The following SLC12A2 variants were observed in gnomAD, a reference collection of about 807,000 sequenced individuals.
The protein encoded by SLC12A2 is solute carrier family 12 member 2.
Under a neutral mutation model 136.3 loss-of-function variants are expected in SLC12A2, and 67 were observed. The observed-to-expected ratio is 0.49, with a 90% CI of 0.40 to 0.60. The LOEUF (loss-of-function observed/expected upper bound fraction) is 0.60, where lower values mean the gene tolerates loss of function less well. SLC12A2 is among the 20% of genes least tolerant of loss of function. The pLI is 0.00. For missense variants in SLC12A2, 1,322 were observed against 1,534.7 expected (o/e 0.86, Z 2.32); for synonymous variants, 619 against 562.9 (o/e 1.10, Z -1.41).
chr5:128,175,712 G>A (rs986988134), intron 20 of SLC12A2, among the ~76,000 whole-genome samples: 8 of 151,820 alleles, frequency 5.3e-5, no homozygotes, highest in Non-Finnish European at 8.8e-5. Flanking sequence ...TATAGAACAG[G>A]AAACTGGGTC....
intron 10 of SLC12A2, among the ~76,000 whole-genome samples, chr5:128,142,503 G>A (rs766121365): frequency 6.6e-6 from 1 of 152,094 alleles, no homozygotes; most frequent in Non-Finnish European, 1.5e-5. Flanking sequence ...GAGCCCCTAG[G>A]AGGTAATGCT....
rs1238147587 is a variant in SLC12A2 at position 128,084,248 on chromosome 5, G to GGCGGCGGCGGCGGCA, written c.306_320dup (p.Ala103_Ala107dup). On this transcript the variant is annotated inframe_insertion, in exon 1 of 27. Coordinates refer to ENST00000262461, the MANE Select transcript of SLC12A2 (RefSeq NM_001046.3). The surrounding 1 kb of genome is among the most constrained non-coding windows in gnomAD (Gnocchi z 5.6). ...CCGGGCGGGCCGCTGCTGCGGCGGC[G>GGCGGCGGCGGCGGCA]GCGGCGGCGGCGGCAGCGGCGGCGG... 1.7e-5 allele frequency: 21 copies of GGCGGCGGCGGCGGCA among 1,233,236 alleles called. No homozygotes were observed. The African/African-American group carries it at 1.9e-4, about 11-fold the overall frequency. The allele number at this position is 1,233,236 out of a possible 1,614,324, so 76.4% of individuals were successfully genotyped here.
chr5:128,179,090 A>G (rs774717382), intron 22 of SLC12A2, among the ~76,000 whole-genome samples: 2 of 152,156 alleles, frequency 1.3e-5, no homozygotes, highest in African/African-American at 2.4e-5. Flanking sequence ...TTGTACCTTC[A>G]CTGGTGAAAT....
chr5:128,142,848 T>C (rs1030976014), intron 10 of SLC12A2, among the ~76,000 whole-genome samples: 4 of 152,190 alleles, frequency 2.6e-5, no homozygotes, highest in Admixed American at 6.6e-5. Context: ...GTGTGTGTGT[T>C]TTAATTAATT....
intron 18 of SLC12A2, chr5:128,168,391 T>G (rs2126742109): frequency 6.6e-6 from 1 of 152,362 alleles, no homozygotes; most frequent in Non-Finnish European, 1.5e-5. Context: ...TATGAAGAGT[T>G]AAGTTTGAGT....
intron 19 of SLC12A2, 89 bp downstream of exon 19, chr5:128,171,835 T>G: frequency 1.3e-6 from 1 of 758,310 alleles, no homozygotes; most frequent in Non-Finnish European, 2.2e-6. Flanking sequence ...GGCTCTTCGT[T>G]ACTTTTAATA....
intron 1 of SLC12A2, among the ~76,000 whole-genome samples, chr5:128,100,394 T>C (rs1320652499): frequency 2.6e-5 from 4 of 152,150 alleles, no homozygotes; most frequent in African/African-American, 9.7e-5. Context: ...CTAAAACTTT[T>C]TGAGTGCTGA....
rs147336608 is a variant in SLC12A2, at chr5:128,153,487, G to A, written c.2363+682G>A. 4.9e-3 allele frequency among the ~76,000 whole-genome samples: 751 copies of A among 152,160 alleles called. 18 individuals are homozygous for A. Among genetic ancestry groups the A allele is most frequent in the Non-Finnish European group, 2.0e-3 (137 of 67,986 alleles). On this transcript the variant is annotated intron_variant, in intron 15 of 26. Coordinates refer to ENST00000262461, the MANE Select transcript of SLC12A2 (RefSeq NM_001046.3). ...GGAGAATGGCTCGAACCCAGGAGGCGGAGGTTGCAGTGAGCCAAGATCATG... is the reference window on the plus strand; with the variant it reads ...GGAGAATGGCTCGAACCCAGGAGGCAGAGGTTGCAGTGAGCCAAGATCATG...
At chr5:128,143,595 C>A (rs1242554740) in intron 10 of SLC12A2, among the ~76,000 whole-genome samples, 4 of 151,964 alleles carry the variant, frequency 2.6e-5, no homozygotes. Context: ...AAATAAATTA[C>A]TAAAATTAAT....
intron 13 of SLC12A2, 29 bp downstream of exon 13, chr5:128,150,127 A>C (rs752348998): frequency 7.8e-5 from 106 of 1,362,764 alleles, no homozygotes; most frequent in Non-Finnish European, 9.5e-5. Context: ...AAAAGTTTGT[A>C]AATATCATTT....
At chr5:128,105,534 GTGT>G (rs750529675) in intron 1 of SLC12A2, among the ~76,000 whole-genome samples, 94 of 152,278 alleles carry the variant, frequency 6.2e-4, no homozygotes, top group Admixed American at 1.2e-3. Flanking sequence ...AACGATTTTG[GTGT>G]TGTGGTGAGG....
In SLC12A2 at chr5:128,152,812, G is replaced by T; in HGVS notation, c.2363+7G>T. The stretch of plus-strand genomic sequence containing the variant: ...ACCACGTGAAAAACTTTAGGTAAGT[G>T]ATAAAGAAGGAAACATGGAAGCATT... On this transcript the variant is annotated splice_region_variant and intron_variant, in intron 15 of 26. Transcript: ENST00000262461. 1 of 1,539,830 alleles carries T rather than the reference G, an allele frequency of 6.5e-7. No homozygotes were observed. Among genetic ancestry groups the T allele is most frequent in the Non-Finnish European group, 9.0e-7 (1 of 1,112,356 alleles).
chr5:128,098,556 A>G (rs1281566818), intron 1 of SLC12A2, among the ~76,000 whole-genome samples: 2 of 149,594 alleles, frequency 1.3e-5, no homozygotes, highest in South Asian at 2.1e-4. Flanking sequence ...GCAGTTTTTT[A>G]TATGGAAACT....
intron 5 of SLC12A2, among the ~76,000 whole-genome samples, chr5:128,131,672 C>G (rs1186631378): frequency 6.6e-6 from 1 of 151,676 alleles, no homozygotes; most frequent in East Asian, 1.9e-4. Flanking sequence ...CCACTGCACT[C>G]CAGCCTGGGC....
rs568909020 is a variant in SLC12A2, at chr5:128,144,726, T to C, written c.1773+2745T>C. Among the ~76,000 whole-genome samples, 11 of 152,212 alleles carry C rather than the reference T, an allele frequency of 7.2e-5. No homozygotes were observed. In the South Asian group the frequency reaches 1.7e-3, roughly 23 times the overall value. On this transcript the variant is annotated intron_variant, in intron 10 of 26. Transcript: ENST00000262461. Reference sequence around the variant, plus strand: ...ACATGCATACCCTACTCTTTTGCTTTAGTCATTGCTTCACTCTGCTTGGAA... The same window carrying C: ...ACATGCATACCCTACTCTTTTGCTTCAGTCATTGCTTCACTCTGCTTGGAA...
intron 10 of SLC12A2, 93 bp downstream of exon 10, chr5:128,142,074 T>A (rs1304373861): frequency 9.6e-7 from 1 of 1,037,014 alleles, no homozygotes; most frequent in Non-Finnish European, 1.4e-6. Context: ...AGCTGTAACA[T>A]AGAAGGGAGG....
At chr5:128,116,489 G>A (rs1392673598) in intron 4 of SLC12A2, among the ~76,000 whole-genome samples, 2 of 151,428 alleles carry the variant, frequency 1.3e-5, no homozygotes, top group Non-Finnish European at 1.5e-5. Context: ...GGGAAAGTAC[G>A]AGAGTGTGGA....
In SLC12A2 at chr5:128,140,222, C is replaced by T. The variant is rs569576077; in HGVS notation, c.1621+1314C>T. ...CCATGTTGGCCAGGCTGGTCTCAAA[C>T]TCCTGACCTCAGGTGATCCACCTGC... On this transcript the variant is annotated intron_variant, in intron 9 of 26. Transcript: ENST00000262461. Among the ~76,000 whole-genome samples the T allele has an allele frequency of 1.7e-4, 26 of 152,308 alleles. No individual in the cohort carries two copies. In the East Asian group the frequency reaches 5.0e-3, roughly 29 times the overall value.
At chr5:128,149,794 A>G (rs1762641199) in intron 12 of SLC12A2, among the ~76,000 whole-genome samples, 1 of 151,906 alleles carries the variant, frequency 6.6e-6, no homozygotes, top group South Asian at 2.1e-4. Flanking sequence ...GATAAAGTAT[A>G]AAGGGGATTC....
Sources: gnomAD v4.1 joint callset for allele counts (sites outside exome capture counted in the v4.1 genomes callset) on GRCh38, gnomAD v4.1.1 for gene constraint, Gnocchi (gnomAD v3.1) non-coding constraint, MANE v1.5 for transcripts, NCBI Gene and HGNC (gene_info 2026-07-23, HGNC 2026-07-21) for gene names.